AGAP1: variants seen among roughly 807,000 people sequenced by gnomAD.
AGAP1 encodes the protein arf-GAP with GTPase, ANK repeat and PH domain-containing protein 1.
Under a neutral mutation model 105.3 loss-of-function variants are expected in AGAP1, and 29 were observed. The observed-to-expected ratio is 0.28, with a 90% CI of 0.21 to 0.38. The LOEUF (loss-of-function observed/expected upper bound fraction) is 0.38. Ranked by LOEUF, AGAP1 falls within the 10% of genes least tolerant of loss-of-function variation. AGAP1 has a pLI of 1.00. For missense variants in AGAP1, 998 were observed against 1,165.1 expected (o/e 0.86, Z 2.09); for synonymous variants, 509 against 485.9 (o/e 1.05, Z -0.63).
chr2:236,102,216 G>A lies in AGAP1; in HGVS notation c.2115-17976G>A, dbSNP rs546534339. Among the ~76,000 whole-genome samples, 23 of 152,246 alleles carry A rather than the reference G, an allele frequency of 1.5e-4. No homozygotes were observed. The South Asian group carries it at 2.7e-3, about 18-fold the overall frequency. ...GCGGATCACAAGGTCAGGAGATCGAGACCATCCTGGCTAACACGGTGAAAC... is the reference window on the plus strand; with the variant it reads ...GCGGATCACAAGGTCAGGAGATCGAAACCATCCTGGCTAACACGGTGAAAC... On this transcript the variant is annotated intron_variant, in intron 16 of 17. Transcript: ENST00000304032.
chr2:235,795,346 C>T (rs370943971), intron 6 of AGAP1, among the ~76,000 whole-genome samples: 2 of 152,178 alleles, frequency 1.3e-5, no homozygotes, highest in East Asian at 3.9e-4. Context: ...CAGCAACAGC[C>T]GTTGGCAAAT....
chr2:235,851,728 G>A (rs767792462), intron 9 of AGAP1, among the ~76,000 whole-genome samples: 20 of 152,230 alleles, frequency 1.3e-4, no homozygotes, highest in African/African-American at 3.4e-4. Flanking sequence ...ACGGGGAAGC[G>A]CCTCTTGACT....
At chr2:235,592,686 A>C (rs1945388392) in intron 1 of AGAP1, among the ~76,000 whole-genome samples, 1 of 152,080 alleles carries the variant, frequency 6.6e-6, no homozygotes. Context: ...GTACTGCTGG[A>C]TGTCGCACAT....
intron 13 of AGAP1, among the ~76,000 whole-genome samples, chr2:236,019,571 G>A (rs1345411025): frequency 2.0e-5 from 3 of 152,224 alleles, no homozygotes; most frequent in Non-Finnish European, 4.4e-5. Context: ...AGAAGGGCAG[G>A]CATCAGCCCC....
chr2:236,060,631 G>C lies in AGAP1; in HGVS notation c.2114+11350G>C, dbSNP rs147389894. 5.9e-3 allele frequency among the ~76,000 whole-genome samples: 893 copies of C among 152,012 alleles called. 8 individuals carry two copies. The highest frequency in any genetic ancestry group is 0.02 in the African/African-American group (846 of 41,446). On this transcript the variant is annotated intron_variant, in intron 16 of 17. Coordinates refer to ENST00000304032, the MANE Select transcript of AGAP1 (RefSeq NM_001037131.3). ...GATTGCTTGAGCCTAGGAGGTCAAG[G>C]CTGCAGTGAGCCGTGATCGCACCAC...
rs532397559 is a variant in AGAP1 at position 235,589,688 on chromosome 2, TATAG to T, written c.163+94857_163+94860del. Reference sequence around the variant, plus strand: ...AGAATGAAACCCTGTCTCAAAAAAATATAGATAGATAGATAGATAGAGATATAGA... The same window carrying T: ...AGAATGAAACCCTGTCTCAAAAAAATATAGATAGATAGATAGAGATATAGA... On this transcript the variant is annotated intron_variant, in intron 1 of 17. Coordinates refer to ENST00000304032, the MANE Select transcript of AGAP1 (RefSeq NM_001037131.3). Among the ~76,000 whole-genome samples, 837 of 151,898 alleles carry T rather than the reference TATAG, an allele frequency of 5.5e-3. 5 individuals carry two copies. Among genetic ancestry groups the T allele is most frequent in the African/African-American group, 0.019 (775 of 41,378 alleles).
chr2:235,667,307 A>G (rs1219469614), intron 1 of AGAP1, among the ~76,000 whole-genome samples: 1 of 152,184 alleles, frequency 6.6e-6, no homozygotes, highest in African/African-American at 2.4e-5. Context: ...CCAATAGAAA[A>G]CCGAGTAAGT....
At position 235,842,798 on chromosome 2, in the gene AGAP1, G is replaced by A. The variant is rs1382777607; in HGVS notation, c.1050+35467G>A. 1.3e-5 allele frequency among the ~76,000 whole-genome samples: 2 copies of A among 152,018 alleles called. No individual in the cohort carries two copies. The highest frequency in any genetic ancestry group is 2.9e-5 in the Non-Finnish European group (2 of 67,974). On this transcript the variant is annotated intron_variant, in intron 9 of 17. Transcript: ENST00000304032. The surrounding 1 kb of genome is among the most constrained non-coding windows in gnomAD (Gnocchi z 5.3). The stretch of plus-strand genomic sequence containing the variant: ...GCCCGAGTGCAGTGGCACGGTCTTG[G>A]TTCACTGCAACCTCTGCCTCCCAGG...
At chr2:235,807,409 G>C (rs773307797) in intron 9 of AGAP1, 78 bp downstream of exon 9, 2 of 1,320,028 alleles carry the variant, frequency 1.5e-6, no homozygotes, top group Non-Finnish European at 1.0e-6. Context: ...GCTGGCTCTC[G>C]CACCAAGGTC....
Position 235,642,675 on chromosome 2 carries a change from C to T in AGAP1, c.164-66504C>T, listed in dbSNP as rs117985367. ...GAATCAGCGGGTGCTCTGACCACTA[C>T]TTTCCCAAGGCTACTTTGCTTCAGG... is the stretch of plus-strand genomic sequence containing the variant. On this transcript the variant is annotated intron_variant, in intron 1 of 17. Coordinates refer to ENST00000304032, the MANE Select transcript of AGAP1 (RefSeq NM_001037131.3). This position sits in a 1 kb window ranked among gnomAD's most constrained non-coding sequence, Gnocchi z 4.1. 1.6e-4 allele frequency among the ~76,000 whole-genome samples: 25 copies of T among 152,340 alleles called. No individual in the cohort carries two copies. In the East Asian group the frequency reaches 3.9e-3, roughly 24 times the overall value.
At chr2:236,071,566 A>G (rs1056704445) in intron 16 of AGAP1, among the ~76,000 whole-genome samples, 2 of 152,138 alleles carry the variant, frequency 1.3e-5, no homozygotes, top group African/African-American at 4.8e-5. Context: ...TGCAGAGGGG[A>G]CTCACGGTAA....
rs1001326734 is a variant in AGAP1, at chr2:235,979,173, G to A, written c.1645+10550G>A. 6.8e-6 allele frequency among the ~76,000 whole-genome samples: 1 copy of A among 147,350 alleles called. No homozygotes were observed. The highest frequency in any genetic ancestry group is 1.5e-5 in the Non-Finnish European group (1 of 67,484). ...TTTTTTTGGGATATGATCTCACTGTGTTGTCCGGGCTAGTCTCAAATCCCT... is the reference window on the plus strand; with the variant it reads ...TTTTTTTGGGATATGATCTCACTGTATTGTCCGGGCTAGTCTCAAATCCCT... On this transcript the variant is annotated intron_variant, in intron 13 of 17. Transcript: ENST00000304032. The surrounding 1 kb of genome is among the most constrained non-coding windows in gnomAD (Gnocchi z 4.5).
chr2:235,975,471 C>T (rs1345002911), intron 13 of AGAP1, among the ~76,000 whole-genome samples: 1 of 151,998 alleles, frequency 6.6e-6, no homozygotes, highest in East Asian at 1.9e-4. Context: ...TTTTGCATGC[C>T]GTGATTGGGA....
intron 12 of AGAP1, among the ~76,000 whole-genome samples, chr2:235,933,633 A>T (rs982801227): frequency 1.3e-5 from 2 of 151,464 alleles, no homozygotes; most frequent in Admixed American, 1.3e-4. Context: ...CCCGGACTCA[A>T]GCAGTTCTCC....
chr2:235,865,939 A>C lies in AGAP1; in HGVS notation c.1051-17406A>C, dbSNP rs150188563. 6.6e-6 allele frequency among the ~76,000 whole-genome samples: 1 copy of C among 152,168 alleles called. No individual in the cohort carries two copies. The highest frequency in any genetic ancestry group is 2.4e-5 in the African/African-American group (1 of 41,456). Reference sequence around the variant, plus strand: ...TTTTTGCACACAACGAATGATTTCTATGTTATCGATTTACTTCTTTCACTT... The same window carrying C: ...TTTTTGCACACAACGAATGATTTCTCTGTTATCGATTTACTTCTTTCACTT... On this transcript the variant is annotated intron_variant, in intron 9 of 17. Coordinates refer to ENST00000304032, the MANE Select transcript of AGAP1 (RefSeq NM_001037131.3). The surrounding 1 kb of genome is among the most constrained non-coding windows in gnomAD (Gnocchi z 6.2).
In AGAP1 at chr2:235,976,877, A is replaced by C. The variant is rs1352030709; in HGVS notation, c.1645+8254A>C. On this transcript the variant is annotated intron_variant, in intron 13 of 17. Transcript: ENST00000304032. The surrounding 1 kb of genome is among the most constrained non-coding windows in gnomAD (Gnocchi z 4.5). ...GAAAAAATCTGAAAAGTCAAAACAAACTAAATCTTGTAAAGAGGTGGCTTG... is the reference window on the plus strand; with the variant it reads ...GAAAAAATCTGAAAAGTCAAAACAACCTAAATCTTGTAAAGAGGTGGCTTG... 2.0e-5 allele frequency among the ~76,000 whole-genome samples: 3 copies of C among 152,200 alleles called. No individual in the cohort carries two copies. The highest frequency in any genetic ancestry group is 2.9e-5 in the Non-Finnish European group (2 of 68,040).
At chr2:235,783,616 A>T (rs1307191515) in intron 6 of AGAP1, among the ~76,000 whole-genome samples, 5 of 152,210 alleles carry the variant, frequency 3.3e-5, no homozygotes, top group Non-Finnish European at 7.3e-5. Context: ...GCTCTGTGGA[A>T]AGAGGCACGC....
In AGAP1 at chr2:235,960,187, C is replaced by T. The variant is rs2054123117; in HGVS notation, c.1484-8275C>T. On this transcript the variant is annotated intron_variant, in intron 12 of 17. Transcript: ENST00000304032. The surrounding 1 kb of genome is among the most constrained non-coding windows in gnomAD (Gnocchi z 4.9). Reference sequence around the variant, plus strand: ...CAGCAGATCAGAGCGTGGGCTGGTGCTGCTTCCAGGATCACAGGTGCTTTG... The same window carrying T: ...CAGCAGATCAGAGCGTGGGCTGGTGTTGCTTCCAGGATCACAGGTGCTTTG... Among the ~76,000 whole-genome samples, 1 of 152,224 alleles carries T rather than the reference C, an allele frequency of 6.6e-6. No homozygotes were observed. The highest frequency in any genetic ancestry group is 1.5e-5 in the Non-Finnish European group (1 of 68,034).
At chr2:235,709,779 G>A (rs1251774829) in intron 2 of AGAP1, among the ~76,000 whole-genome samples, 1 of 152,146 alleles carries the variant, frequency 6.6e-6, no homozygotes, top group African/African-American at 2.4e-5. Flanking sequence ...ATTATGTAGA[G>A]CTTCAAATTG....
Sources: gnomAD v4.1 joint callset for allele counts (sites outside exome capture counted in the v4.1 genomes callset) on GRCh38, gnomAD v4.1.1 for gene constraint, Gnocchi (gnomAD v3.1) non-coding constraint, MANE v1.5 for transcripts, NCBI Gene and HGNC (gene_info 2026-07-23, HGNC 2026-07-21) for gene names.